OLA1: variants seen among roughly 807,000 people sequenced by gnomAD.
The protein encoded by OLA1 is Obg like ATPase 1, also known as obg-like ATPase 1.
OLA1 carries 14 observed loss-of-function variants against 48.4 expected under a neutral mutation model. The ratio of observed to expected loss-of-function variants is 0.29; its 90% CI spans 0.19 to 0.45. The LOEUF is 0.45. Ranked by LOEUF, OLA1 falls within the 20% of genes least tolerant of loss-of-function variation. The probability of loss-of-function intolerance (pLI) is 1.00; values close to 1 mark genes in which losing one functional copy is unlikely to be tolerated. For synonymous variants in OLA1, 127 were observed against 150.4 expected (o/e 0.84, Z 1.14); for missense variants, 325 against 467.1 (o/e 0.70, Z 2.80).
chr2:174,160,572 C>T (rs1686987179), intron 4 of OLA1, among the ~76,000 whole-genome samples: 1 of 152,106 alleles, frequency 6.6e-6, no homozygotes, highest in African/African-American at 2.4e-5. Context: ...GTAGGCACAC[C>T]TGCCAATATA....
intron 7 of OLA1, among the ~76,000 whole-genome samples, chr2:174,095,324 T>TG (rs1491036894): frequency 2.1e-4 from 21 of 99,434 alleles, no homozygotes; most frequent in Non-Finnish European, 2.1e-5. Flanking sequence ...TGTTATTTCC[T>TG]GTTTTTTTTT....
chr2:174,211,783 AC>A (rs1197549101), intron 4 of OLA1, among the ~76,000 whole-genome samples: 2 of 152,180 alleles, frequency 1.3e-5, no homozygotes, highest in Non-Finnish European at 2.9e-5. Context: ...GATATTAAGT[AC>A]CATTAAGTTA....
intron 4 of OLA1, among the ~76,000 whole-genome samples, chr2:174,191,890 T>C (rs1425072932): frequency 6.6e-6 from 1 of 152,210 alleles, no homozygotes; most frequent in Non-Finnish European, 1.5e-5. Context: ...CCAGGAATTC[T>C]CTCGATCACA....
intron 4 of OLA1, among the ~76,000 whole-genome samples, chr2:174,157,623 T>C (rs1182856246): frequency 6.6e-6 from 1 of 152,190 alleles, no homozygotes. Context: ...TATTAATCAG[T>C]CAAGTAAATG....
intron 4 of OLA1, among the ~76,000 whole-genome samples, 180 bp downstream of exon 4, chr2:174,222,853 C>G (rs1181607400): frequency 1.3e-5 from 2 of 152,114 alleles, no homozygotes; most frequent in East Asian, 3.8e-4. Context: ...ATGGAATAAG[C>G]CTTCAGATAC....
chr2:174,180,598 A>C (rs2105413191), intron 4 of OLA1, among the ~76,000 whole-genome samples: 1 of 152,372 alleles, frequency 6.6e-6, no homozygotes, highest in South Asian at 2.1e-4. Flanking sequence ...TCCTAAAGAC[A>C]GTCATGCTGC....
rs149279738 is a variant in OLA1 at position 174,188,406 on chromosome 2, T to C, written c.373+34627A>G. Among the ~76,000 whole-genome samples the C allele has an allele frequency of 2.8e-3, 420 of 151,418 alleles. 3 individuals are homozygous for C. Among genetic ancestry groups the C allele is most frequent in the African/African-American group, 9.5e-3 (390 of 41,146 alleles). On this transcript the variant is annotated intron_variant, in intron 4 of 10. Coordinates refer to ENST00000284719, the MANE Select transcript of OLA1 (RefSeq NM_013341.5). ...AATAATAATAATAATAAATACCGTATACAGTAAACTTTTTGTCAAAATACA... is the reference window on the plus strand; with the variant it reads ...AATAATAATAATAATAAATACCGTACACAGTAAACTTTTTGTCAAAATACA...
At chr2:174,244,458 C>CTTA (rs142316882) in intron 2 of OLA1, among the ~76,000 whole-genome samples, 2,862 of 152,242 alleles carry the variant, frequency 0.019, 39 homozygotes, top group South Asian at 0.057. Flanking sequence ...GACTAAAAAG[C>CTTA]TATGGTCGTC....
At chr2:174,211,205 A>T (rs62174170) in intron 4 of OLA1, among the ~76,000 whole-genome samples, 193 of 124,278 alleles carry the variant, frequency 1.6e-3, no homozygotes, top group East Asian at 0.011. Context: ...ACACACACAC[A>T]CTCTCTCTCT....
At chr2:174,096,991 A>C (rs1238459435) in intron 7 of OLA1, among the ~76,000 whole-genome samples, 1 of 152,114 alleles carries the variant, frequency 6.6e-6, no homozygotes, top group Admixed American at 6.5e-5. Context: ...CCCCGTCTCT[A>C]CTAAAAATAC....
chr2:174,179,770 C>G (rs1687492787), intron 4 of OLA1, among the ~76,000 whole-genome samples: 1 of 152,024 alleles, frequency 6.6e-6, no homozygotes, highest in African/African-American at 2.4e-5. Flanking sequence ...ACACTGTAAG[C>G]ACTTAATAAA....
chr2:174,147,748 A>G (rs897890109), intron 4 of OLA1, among the ~76,000 whole-genome samples: 2 of 152,210 alleles, frequency 1.3e-5, no homozygotes, highest in Admixed American at 1.3e-4. Context: ...CTTCTTCATC[A>G]GTTTTGTCTC....
chr2:174,095,325 G>GTTTTTTTTTTTTTTTTTTCTTTTT (rs1685222939), intron 7 of OLA1, among the ~76,000 whole-genome samples: 1 of 78,010 alleles, frequency 1.3e-5, no homozygotes, highest in Non-Finnish European at 2.5e-5. Context: ...GTTATTTCCT[G>GTTTTTTTTTTTTTTTTTTCTTTTT]TTTTTTTTTT....
At chr2:174,159,109 C>A (rs1686953898) in intron 4 of OLA1, among the ~76,000 whole-genome samples, 1 of 152,006 alleles carries the variant, frequency 6.6e-6, no homozygotes, top group Non-Finnish European at 1.5e-5. Context: ...TTGGCTTTTT[C>A]TTTTTTCAAA....
At chr2:174,144,416 A>C (rs1349623785) in intron 4 of OLA1, among the ~76,000 whole-genome samples, 1 of 152,120 alleles carries the variant, frequency 6.6e-6, no homozygotes, top group African/African-American at 2.4e-5. Context: ...AAAATTAAGT[A>C]ATGGGAACAC....
intron 7 of OLA1, among the ~76,000 whole-genome samples, chr2:174,086,469 C>G (rs1162705661): frequency 2.0e-5 from 3 of 152,110 alleles, no homozygotes; most frequent in Non-Finnish European, 4.4e-5. Flanking sequence ...AGTACCAAAC[C>G]CTATATATAC....
At chr2:174,224,679 T>C (rs1180967081) in intron 3 of OLA1, among the ~76,000 whole-genome samples, 2 of 152,184 alleles carry the variant, frequency 1.3e-5, no homozygotes, top group African/African-American at 4.8e-5. Context: ...GGCTGTTAAA[T>C]AGAAGCTCAT....
chr2:174,170,418 C>CA (rs1439464147), intron 4 of OLA1, among the ~76,000 whole-genome samples: 2 of 151,690 alleles, frequency 1.3e-5, no homozygotes, highest in South Asian at 4.2e-4. Context: ...TTCAAATAAT[C>CA]AAAAAAATGT....
At chr2:174,095,325 G>GGTTTTTT (rs1685222752) in intron 7 of OLA1, among the ~76,000 whole-genome samples, 2 of 78,012 alleles carry the variant, frequency 2.6e-5, no homozygotes. Context: ...GTTATTTCCT[G>GGTTTTTT]TTTTTTTTTT....
Sources: allele counts gnomAD v4.1 joint callset (sites outside exome capture counted in the v4.1 genomes callset), GRCh38; gene constraint gnomAD v4.1.1; transcripts MANE v1.5; gene names NCBI Gene and HGNC (gene_info 2026-07-23, HGNC 2026-07-21).